Variants in RHOT2 observed in about 807,000 individuals in gnomAD.
The protein encoded by RHOT2 is ras homolog family member T2.
Under a neutral mutation model 81.6 loss-of-function variants are expected in RHOT2, and 90 were observed. The observed-to-expected ratio is 1.10, with a 90% CI of 0.93 to 1.31. The LOEUF is 1.31. Ranked by LOEUF, RHOT2 falls within the 40% of genes most tolerant of loss-of-function variation. The pLI is 0.00. For synonymous variants in RHOT2, 512 were observed against 370.9 expected, an observed-to-expected ratio of 1.38 and a Z score of -4.37; for missense variants, 1,014 against 841.9, an observed-to-expected ratio of 1.20 and a Z score of -2.53.
rs767431715 is a variant in RHOT2 at position 670,493 on chromosome 16, TCTA to T, written c.481_483del (p.Tyr161del). The T allele has an allele frequency of 1.9e-6, 3 of 1,608,522 alleles. No homozygotes were observed. The highest frequency in any genetic ancestry group is 1.3e-5 in the African/African-American group (1 of 74,876). ...AACCTGAGGAACATCTCAGAGCTGT[TCTA>T]CTACGCCCAGAAGGCCGTCCTGCAT... is the stretch of plus-strand genomic sequence containing the variant. On this transcript the variant is annotated inframe_deletion, in exon 8 of 19. Coordinates refer to ENST00000315082, the MANE Select transcript of RHOT2 (RefSeq NM_138769.3).
At chr16:671,409 G>C in intron 11 of RHOT2, 1 of 748,862 alleles carries the variant, frequency 1.3e-6, no homozygotes, top group East Asian at 2.8e-5. Context: ...TCTGAGTCGG[G>C]GGGTGGGGGG....
chr16:670,365 G>C lies in RHOT2; in HGVS notation c.438+8G>C, dbSNP rs757875542. On this transcript the variant is annotated splice_region_variant and intron_variant, in intron 7 of 18. Coordinates refer to ENST00000315082, the MANE Select transcript of RHOT2 (RefSeq NM_138769.3). Reference sequence around the variant, plus strand: ...ATTGAGACCTGCGTGGAGGTGAGTAGGTCCCAGGCAGGGCCGCCTCCTTCA... The same window carrying C: ...ATTGAGACCTGCGTGGAGGTGAGTACGTCCCAGGCAGGGCCGCCTCCTTCA... 2.5e-6 allele frequency: 4 copies of C among 1,612,242 alleles called. No individual in the cohort carries two copies. In the South Asian group the frequency reaches 3.3e-5, roughly 13 times the overall value.
chr16:673,271 C>A (rs2039274768), intron 18 of RHOT2, 141 bp downstream of exon 18: 2 of 1,261,116 alleles, frequency 1.6e-6, no homozygotes. Flanking sequence ...AGGCCTGGAA[C>A]TGGGGCCAGA....
chr16:671,008 C>T lies in RHOT2; in HGVS notation c.748+8C>T, dbSNP rs368951228. On this transcript the variant is annotated splice_region_variant and intron_variant, in intron 10 of 18. Transcript: ENST00000315082. ...ACCGGCTGACCCTGGATGGTGAGGC[C>T]GGGTGCCCGCCTGTGCCTGGGGAGT... The T allele has an allele frequency of 5.6e-5, 89 of 1,595,296 alleles. 1 individual carries two copies. In the African/African-American group the frequency reaches 7.1e-4, roughly 13 times the overall value.
In RHOT2 at chr16:670,377, G is replaced by A. The variant is rs532376417; in HGVS notation, c.438+20G>A. The A allele has an allele frequency of 4.3e-6, 7 of 1,611,730 alleles. No individual in the cohort carries two copies. Among genetic ancestry groups the A allele is most frequent in the South Asian group, 1.1e-5 (1 of 91,044 alleles). ...GTGGAGGTGAGTAGGTCCCAGGCAG[G>A]GCCGCCTCCTTCATTCCTTGTGTTC... On this transcript the variant is annotated intron_variant, in intron 7 of 18. Coordinates refer to ENST00000315082, the MANE Select transcript of RHOT2 (RefSeq NM_138769.3).
intron 11 of RHOT2, 145 bp downstream of exon 11, chr16:671,348 G>T: frequency 8.0e-7 from 1 of 1,255,958 alleles, no homozygotes; most frequent in South Asian, 1.6e-5. Flanking sequence ...AGGCCATCTG[G>T]GGTCGTGCCC....
intron 6 of RHOT2, 26 bp from the exon 7 acceptor site, chr16:670,223 C>T: frequency 6.2e-7 from 1 of 1,611,496 alleles, no homozygotes; most frequent in Middle Eastern, 1.7e-4. Context: ...TCCCCTGCCC[C>T]TGGTGACCAT....
Position 669,559 on chromosome 16 carries a change from G to T in RHOT2, c.229G>T (p.Val77Leu). The T allele has an allele frequency of 1.2e-6, 2 of 1,611,786 alleles. No individual in the cohort carries two copies. Among genetic ancestry groups the T allele is most frequent in the African/African-American group, 1.3e-5 (1 of 75,042 alleles). The change falls in exon 5 of 19, where the codon GTG (valine) becomes TTG (leucine). Residue 77 changes from valine to leucine, a missense_variant. Transcript: ENST00000315082. Reference protein sequence around the residue: ...ELREEIHKANVVCVVYDVSEE... With the variant: ...ELREEIHKANLVCVVYDVSEE... ...CTCATCACTGTTCCCTCAGGCAAAC[G>T]TGGTGTGTGTGGTGTATGACGTCTC...
chr16:668,459 T>C, intron 2 of RHOT2, 29 bp from the exon 3 acceptor site: 1 of 1,583,380 alleles, frequency 6.3e-7, no homozygotes, highest in Non-Finnish European at 8.6e-7. Flanking sequence ...CAGCCGGGGG[T>C]CCCTGGTGAG....
At chr16:671,050 G>A (rs781722150) in intron 10 of RHOT2, 33 bp from the exon 11 acceptor site, 3 of 1,608,474 alleles carry the variant, frequency 1.9e-6, no homozygotes, top group Non-Finnish European at 2.5e-6. Context: ...AGGGGGCTGT[G>A]CCTGGTGCTC....
At chr16:670,221 C>T (rs1367831020) in intron 6 of RHOT2, 28 bp from the exon 7 acceptor site, 16 of 1,611,872 alleles carry the variant, frequency 9.9e-6, no homozygotes, top group African/African-American at 2.7e-5. Context: ...GCTCCCCTGC[C>T]CCTGGTGACC....
rs368784302 is a variant in RHOT2, at chr16:672,824, A to C, written c.1526A>C (p.Lys509Thr). ...TTTGCACATTGTGCCAGCGTCTACA[A>C]GGTGGGGCCCTGCAGGGGCCACGTG... ...KSFAHCASVY[K>T]HHYMDGQTPC... The change falls in exon 17 of 19, where the codon AAG becomes ACG. Residue 509 changes from lysine to threonine, a missense_variant and splice_region_variant. Coordinates refer to ENST00000315082, the MANE Select transcript of RHOT2 (RefSeq NM_138769.3). 20 of 1,612,488 alleles carry C rather than the reference A, an allele frequency of 1.2e-5. No homozygotes were observed. The highest frequency in any genetic ancestry group is 1.6e-5 in the Non-Finnish European group (19 of 1,179,968).
At position 668,318 on chromosome 16, in the gene RHOT2, C is replaced by G. The variant is rs1165650416; in HGVS notation, c.38-35C>G. 3 of 1,295,870 alleles carry G rather than the reference C, an allele frequency of 2.3e-6. No homozygotes were observed. The African/African-American group carries it at 4.9e-5, about 21-fold the overall frequency. The allele number at this position is 1,295,870 out of a possible 1,614,324, so 80.3% of individuals were successfully genotyped here. A position where few individuals can be genotyped will look rare whatever the true frequency, so the allele number is the denominator to read the frequency against. ...CTCGGGGGTCGGGGGGCGCCGTGACCTTGGCCCTCGCGCTGACCGCCTCGC... is the reference window on the plus strand; with the variant it reads ...CTCGGGGGTCGGGGGGCGCCGTGACGTTGGCCCTCGCGCTGACCGCCTCGC... On this transcript the variant is annotated intron_variant, in intron 1 of 18. Coordinates refer to ENST00000315082, the MANE Select transcript of RHOT2 (RefSeq NM_138769.3).
chr16:668,803 C>T (rs2038384641), intron 4 of RHOT2, 104 bp downstream of exon 4: 6 of 1,262,736 alleles, frequency 4.8e-6, no homozygotes, highest in Non-Finnish European at 6.5e-6. Context: ...GTCCTTGGCC[C>T]TGATAATTCT....
At chr16:670,629 A>T (rs771708618) in intron 8 of RHOT2, 46 bp from the exon 9 acceptor site, 1 of 1,603,554 alleles carries the variant, frequency 6.2e-7, no homozygotes, top group Non-Finnish European at 8.5e-7. Context: ...GCGGTGTGGC[A>T]GGTCGGCGTG....
chr16:668,533 C>G lies in RHOT2; in HGVS notation c.142C>G (p.Pro48Ala), dbSNP rs149161951. Residue 48 changes from proline (P) to alanine (A), a missense_variant, in exon 3 of 19, where the codon CCG (proline) becomes GCG (alanine). Physicochemically the swap from Pro to Ala is conservative, Grantham distance 27. Transcript: ENST00000315082. ...GATCACCATCCCCGCGGACGTCACC[C>G]CGGAGAAGGTGCCCACCCACATCGT... Reference protein sequence around the residue: ...EEITIPADVTPEKVPTHIVDY... With the variant: ...EEITIPADVTAEKVPTHIVDY... 1.2e-6 allele frequency: 2 copies of G among 1,610,460 alleles called. No homozygotes were observed. Among genetic ancestry groups the G allele is most frequent in the Non-Finnish European group, 1.7e-6 (2 of 1,179,046 alleles).
rs764560338 is a variant in RHOT2 at position 670,155 on chromosome 16, G to C, written c.309G>C (p.Gly103=). ...IRTKWIPLVN[G]GTTQGPRVPI... is the part of the protein sequence containing the mutation. ...CTAAGTGGATCCCACTGGTGAATGG[G>C]GGGACCACGCAGGGGCCCAGGTAAT... The change falls in exon 6 of 19, where the codon GGG becomes GGC. Residue 103 remains glycine, a synonymous_variant. Coordinates refer to ENST00000315082, the MANE Select transcript of RHOT2 (RefSeq NM_138769.3). The C allele has an allele frequency of 6.3e-7, 1 of 1,592,768 alleles. No individual in the cohort carries two copies. Among genetic ancestry groups the C allele is most frequent in the Non-Finnish European group, 8.5e-7 (1 of 1,170,758 alleles).
chr16:668,940 G>A (rs1307064465), intron 4 of RHOT2: 3 of 532,594 alleles, frequency 5.6e-6, no homozygotes, highest in South Asian at 2.7e-5. Context: ...CCCTCCTGCC[G>A]GGGTGGCAGC....
In RHOT2 at chr16:673,929, C is replaced by G. The variant is rs199516689; in HGVS notation, c.*323C>G. 3.6e-5 allele frequency: 20 copies of G among 549,744 alleles called. No individual in the cohort carries two copies. The East Asian group carries it at 8.1e-4, about 22-fold the overall frequency. 34.1% of individuals were successfully genotyped at this position (549,744 alleles called of 1,614,324 possible). On this transcript the variant is annotated 3_prime_UTR_variant, in exon 19 of 19. Coordinates refer to ENST00000315082, the MANE Select transcript of RHOT2 (RefSeq NM_138769.3). ...GAGCACAGGTGTGGGAGCTGGTGAC[C>G]CCAGACCCAGAATTCTCAGGGCTCT...
Sources: gnomAD v4.1 joint callset for allele counts on GRCh38, gnomAD v4.1.1 for gene constraint, MANE v1.5 for transcripts, NCBI Gene and HGNC (gene_info 2026-07-23, HGNC 2026-07-21) for gene names.